TIA1: variants seen among roughly 807,000 people sequenced by gnomAD.
TIA1 encodes the protein TIA1 cytotoxic granule associated RNA binding protein.
Under a neutral mutation model 65.9 loss-of-function variants are expected in TIA1, and 23 were observed. The ratio of observed to expected loss-of-function variants is 0.35; its 90% CI spans 0.25 to 0.49. The LOEUF (loss-of-function observed/expected upper bound fraction) is 0.49. Among genes scored for constraint, TIA1 ranks in the 20% least tolerant of loss-of-function variants. The pLI, the probability that TIA1 is intolerant of heterozygous loss-of-function variation, is 0.98. For synonymous variants in TIA1, 147 were observed against 149.4 expected (o/e 0.98, Z 0.12); for missense variants, 371 against 477.9 (o/e 0.78, Z 2.09).
chr2:70,215,125 C>A, intron 11 of TIA1: 1 of 447,718 alleles, frequency 2.2e-6, no homozygotes. Context: ...GATGTAATAC[C>A]CTTTTAGGTT....
chr2:70,222,389 C>CA (rs1282109571), intron 7 of TIA1, among the ~76,000 whole-genome samples: 2 of 152,104 alleles, frequency 1.3e-5, no homozygotes, highest in African/African-American at 4.8e-5. Context: ...AAATTAGAAG[C>CA]AAAACCACCT....
At chr2:70,214,021 A>T (rs1677487733) in intron 12 of TIA1, among the ~76,000 whole-genome samples, 1 of 152,206 alleles carries the variant, frequency 6.6e-6, no homozygotes, top group Non-Finnish European at 1.5e-5. Context: ...TAAGTAAAAT[A>T]GTGTAATTCA....
chr2:70,242,665 G>A (rs1692418756), intron 1 of TIA1, among the ~76,000 whole-genome samples: 1 of 151,944 alleles, frequency 6.6e-6, no homozygotes, highest in Non-Finnish European at 1.5e-5. Flanking sequence ...TCCCCCCTAG[G>A]CCATGGACCA....
intron 5 of TIA1, chr2:70,228,654 C>G (rs945810221): frequency 2.0e-6 from 2 of 985,248 alleles, no homozygotes; most frequent in Non-Finnish European, 2.4e-6. Context: ...TTTGACAAAG[C>G]ATATTTGGAA....
At position 70,214,651 on chromosome 2, in the gene TIA1, A is replaced by C. The variant is rs11695163; in HGVS notation, c.889-157T>G. Among the ~76,000 whole-genome samples, 121,977 of 143,236 alleles carry C rather than the reference A, an allele frequency of 0.85. 52,146 individuals are homozygous for C. The highest frequency in any genetic ancestry group is 0.94 in the African/African-American group (37,674 of 39,994). The allele number at this position is 143,236 out of a possible 152,430, so 94.0% of individuals were successfully genotyped here. A position where few individuals can be genotyped will look rare whatever the true frequency, so the allele number is the denominator to read the frequency against. The stretch of plus-strand genomic sequence containing the variant: ...GACTGCTAAAAAAAAAAAAAAAAAA[A>C]AAAAAAACAAAAAACAACAACAAAA... On this transcript the variant is annotated intron_variant, in intron 11 of 12. Transcript: ENST00000433529.
intron 8 of TIA1, 174 bp from the exon 9 acceptor site, chr2:70,216,673 T>C: frequency 4.2e-6 from 6 of 1,418,856 alleles, no homozygotes; most frequent in Non-Finnish European, 5.6e-6. Context: ...TCTAAAAAAT[T>C]ACCCAGTATT....
chr2:70,246,012 C>T (rs1694150175), intron 1 of TIA1, among the ~76,000 whole-genome samples: 2 of 151,632 alleles, frequency 1.3e-5, no homozygotes, highest in Admixed American at 1.3e-4. Flanking sequence ...CAACCTCCAC[C>T]TCCCGGGTTC....
chr2:70,214,221 C>A (rs1677577297), intron 12 of TIA1, 128 bp downstream of exon 12: 1 of 1,036,918 alleles, frequency 9.6e-7, no homozygotes, highest in Non-Finnish European at 1.3e-6. Context: ...ATTTTAAGTT[C>A]TTTCAAGGCT....
intron 1 of TIA1, 135 bp from the exon 2 acceptor site, chr2:70,236,310 T>G: frequency 1.8e-6 from 1 of 541,168 alleles, no homozygotes. Context: ...GTGATTCCCC[T>G]GCCTCAGCCT....
intron 2 of TIA1, among the ~76,000 whole-genome samples, chr2:70,233,991 G>C (rs529028243): frequency 3.3e-5 from 5 of 152,144 alleles, no homozygotes; most frequent in African/African-American, 1.2e-4. Flanking sequence ...GCTTTTGAGC[G>C]ATCAGAATCC....
chr2:70,225,319 C>A, intron 6 of TIA1: 1 of 1,266,412 alleles, frequency 7.9e-7, no homozygotes, highest in Admixed American at 2.6e-5. Context: ...AGTAAAAAAG[C>A]ACGCCAACAT....
chr2:70,217,882 T>A (rs1297956220), intron 7 of TIA1, among the ~76,000 whole-genome samples: 1 of 152,172 alleles, frequency 6.6e-6, no homozygotes, highest in African/African-American at 2.4e-5. Flanking sequence ...CCTAATGAGG[T>A]AGATATCATA....
chr2:70,235,126 A>C (rs1365783004), intron 2 of TIA1, among the ~76,000 whole-genome samples: 1 of 152,148 alleles, frequency 6.6e-6, no homozygotes, highest in Non-Finnish European at 1.5e-5. Flanking sequence ...TTCCCATTAA[A>C]AAATTTAGGC....
intron 2 of TIA1, 118 bp from the exon 3 acceptor site, chr2:70,230,972 G>T: frequency 1.5e-6 from 1 of 667,260 alleles, no homozygotes; most frequent in Non-Finnish European, 2.5e-6. Flanking sequence ...AGGCCATGGA[G>T]AATGAATGGT....
chr2:70,228,900 T>C, intron 5 of TIA1, 159 bp downstream of exon 5: 2 of 1,462,374 alleles, frequency 1.4e-6, no homozygotes, highest in Non-Finnish European at 1.8e-6. Context: ...AAGTTATACT[T>C]GGTCAACACT....
Position 70,248,404 on chromosome 2 carries a change from CAG to C in TIA1, c.25_26del (p.Leu9IlefsTer4), listed in dbSNP as rs758833294. 1.9e-6 allele frequency: 3 copies of C among 1,600,344 alleles called. No homozygotes were observed. The highest frequency in any genetic ancestry group is 1.7e-4 in the Middle Eastern group (1 of 6,058). On this transcript the variant is annotated frameshift_variant and splice_region_variant, in exon 1 of 13. Transcript: ENST00000433529. LOFTEE classifies it high-confidence loss of function. The part of the protein sequence containing the change: MEDEMPKT[L>X]YVGNLSRDVT... ...CTCCCTCATCGCTGCCCCAGACTCA[CAG>C]AGTCTTGGGCATCTCGTCCTCCATG...
intron 3 of TIA1, among the ~76,000 whole-genome samples, chr2:70,229,557 T>C (rs1177433403): frequency 6.6e-6 from 1 of 152,210 alleles, no homozygotes; most frequent in Non-Finnish European, 1.5e-5. Context: ...AGTACCCATA[T>C]TATTTTTTTT....
chr2:70,217,573 A>G (rs933000856), intron 7 of TIA1, among the ~76,000 whole-genome samples: 1 of 151,808 alleles, frequency 6.6e-6, no homozygotes, highest in Admixed American at 6.6e-5. Flanking sequence ...CATTTTTTGT[A>G]TTTTTAGTAG....
At chr2:70,223,113 A>C (rs1222422818) in intron 7 of TIA1, among the ~76,000 whole-genome samples, 1 of 152,160 alleles carries the variant, frequency 6.6e-6, no homozygotes, top group Non-Finnish European at 1.5e-5. Context: ...CAATCTCGAA[A>C]ATGTGAAAAA....
Sources: allele counts gnomAD v4.1 joint callset (sites outside exome capture counted in the v4.1 genomes callset), GRCh38; gene constraint gnomAD v4.1.1; transcripts MANE v1.5; gene names NCBI Gene and HGNC (gene_info 2026-07-23, HGNC 2026-07-21).